NFYC: variants seen among roughly 807,000 people sequenced by gnomAD.
The protein encoded by NFYC is CAAT box DNA-binding protein subunit C.
A neutral mutation model predicts 53.1 loss-of-function variants in NFYC; 25 were observed. The observed-to-expected ratio is 0.47, with a 90% CI of 0.34 to 0.66. NFYC has a LOEUF of 0.66. Among genes scored for constraint, NFYC ranks in the 30% least tolerant of loss-of-function variants. NFYC has a pLI of 0.01. For missense variants in NFYC, 260 were observed against 422.7 expected (o/e 0.62, Z 3.38); for synonymous variants, 145 against 152.6 (o/e 0.95, Z 0.37).
rs886273151 is a variant in NFYC at position 40,770,842 on chromosome 1, C to A, written c.*14C>A. 4.4e-6 allele frequency: 7 copies of A among 1,604,996 alleles called. 1 individual carries two copies. In the African/African-American group the frequency reaches 9.3e-5, roughly 21 times the overall value. ...ACCGGCGACTGAGGGCCTGAGCTGG[C>A]AAGGCCAAGGACACCCAACACAATT... On this transcript the variant is annotated 3_prime_UTR_variant, in exon 10 of 10. Coordinates refer to ENST00000447388, the MANE Select transcript of NFYC (RefSeq NM_014223.5). This position sits in a 1 kb window ranked among gnomAD's most constrained non-coding sequence, Gnocchi z 5.3.
intron 1 of NFYC, among the ~76,000 whole-genome samples, chr1:40,713,577 A>G (rs1046614926): frequency 6.6e-6 from 1 of 152,238 alleles, no homozygotes; most frequent in Admixed American, 6.5e-5. Context: ...TAATATATGC[A>G]TACAGAGTTT....
intron 1 of NFYC, among the ~76,000 whole-genome samples, chr1:40,694,659 T>TC (rs1278335495): frequency 2.0e-5 from 3 of 152,150 alleles, no homozygotes; most frequent in Non-Finnish European, 4.4e-5. Context: ...CTTTTTTTTT[T>TC]CAGCAGGCAT....
chr1:40,770,218 AG>A lies in NFYC; in HGVS notation c.889-488del. ...TTTAATACCAGGCCACCTCCTTAGC[AG>A]GGTCCATGGAGAAAATTCAAATTCA... On this transcript the variant is annotated intron_variant, in intron 9 of 9. Coordinates refer to ENST00000447388, the MANE Select transcript of NFYC (RefSeq NM_014223.5). The surrounding 1 kb of genome is among the most constrained non-coding windows in gnomAD (Gnocchi z 5.3). 1 of 655,398 alleles carries A rather than the reference AG, an allele frequency of 1.5e-6. No homozygotes were observed. Among genetic ancestry groups the A allele is most frequent in the Non-Finnish European group, 2.6e-6 (1 of 388,282 alleles). The allele number at this position is 655,398 out of a possible 1,614,324, so 40.6% of individuals were successfully genotyped here. A position where few individuals can be genotyped will look rare whatever the true frequency, so the allele number is the denominator to read the frequency against.
chr1:40,755,512 T>A (rs1646163608), intron 5 of NFYC, among the ~76,000 whole-genome samples: 1 of 152,240 alleles, frequency 6.6e-6, no homozygotes, highest in Admixed American at 6.5e-5. Context: ...TAGGAGGTAG[T>A]TGAGGCCTGA....
chr1:40,719,543 C>T (rs528080576), intron 1 of NFYC, among the ~76,000 whole-genome samples: 1 of 152,318 alleles, frequency 6.6e-6, no homozygotes, highest in Non-Finnish European at 1.5e-5. Flanking sequence ...TAGTCCCACT[C>T]CTTTGATGCA....
chr1:40,740,425 C>T (rs1174772526), intron 2 of NFYC, among the ~76,000 whole-genome samples: 1 of 150,350 alleles, frequency 6.7e-6, no homozygotes, highest in African/African-American at 2.5e-5. Context: ...AATGAAATAA[C>T]TTATTATGAT....
chr1:40,754,422 G>A lies in NFYC; in HGVS notation c.387+1176G>A, dbSNP rs538913221. 26 of 534,186 alleles carry A rather than the reference G, an allele frequency of 4.9e-5. No individual in the cohort carries two copies. In the East Asian group the frequency reaches 9.8e-4, roughly 20 times the overall value. The allele number at this position is 534,186 out of a possible 1,614,324, so 33.1% of individuals were successfully genotyped here. A position where few individuals can be genotyped will look rare whatever the true frequency, so the allele number is the denominator to read the frequency against. On this transcript the variant is annotated intron_variant, in intron 5 of 9. Coordinates refer to ENST00000447388, the MANE Select transcript of NFYC (RefSeq NM_014223.5). ...AAGGTGTTCAGAGGAGCTTTCAGTC[G>A]GATGTTTACAGCGGCAGGCTGCCAC...
intron 2 of NFYC, among the ~76,000 whole-genome samples, chr1:40,746,879 C>G (rs1299454446): frequency 6.6e-6 from 1 of 152,146 alleles, no homozygotes; most frequent in African/African-American, 2.4e-5. Context: ...CACAGCTGTT[C>G]CTAAAAGGCA....
At chr1:40,707,655 A>G (rs1292557630) in intron 1 of NFYC, among the ~76,000 whole-genome samples, 1 of 142,056 alleles carries the variant, frequency 7.0e-6, no homozygotes, top group Non-Finnish European at 1.6e-5. Flanking sequence ...TTAAAAAAAG[A>G]AAAAAAAAAA....
At chr1:40,716,181 A>G (rs995411852) in intron 1 of NFYC, among the ~76,000 whole-genome samples, 3 of 152,216 alleles carry the variant, frequency 2.0e-5, no homozygotes, top group Non-Finnish European at 4.4e-5. Context: ...ATACAAATAA[A>G]ATTTTACTCT....
intron 1 of NFYC, among the ~76,000 whole-genome samples, chr1:40,707,734 G>GAGGCTA (rs1296174733): frequency 6.6e-6 from 1 of 151,460 alleles, no homozygotes; most frequent in Non-Finnish European, 1.5e-5. Context: ...AGCTACTCAG[G>GAGGCTA]AGGCTAAGGT....
intron 1 of NFYC, among the ~76,000 whole-genome samples, chr1:40,735,936 C>T (rs2148583848): frequency 6.6e-6 from 1 of 152,244 alleles, no homozygotes; most frequent in South Asian, 2.1e-4. Flanking sequence ...TTGTTGTTCT[C>T]AGTACATCTA....
At chr1:40,711,367 T>C (rs2148453323) in intron 1 of NFYC, among the ~76,000 whole-genome samples, 1 of 152,376 alleles carries the variant, frequency 6.6e-6, no homozygotes, top group East Asian at 1.9e-4. Context: ...TGATTATTTA[T>C]ATGTTATCAG....
In NFYC at chr1:40,749,639, C is replaced by CTTCT. The variant is rs1419729757; in HGVS notation, c.247_248insTTTC (p.Arg83LeufsTer10). On this transcript the variant is annotated frameshift_variant, in exon 4 of 10. Transcript: ENST00000447388. LOFTEE classifies it high-confidence loss of function. Reference sequence around the variant, plus strand: ...CCAGATTTTTATCACAGAGTTGACTCTTCGAGCCTGGATTCACACAGAAGA... The same window carrying CTTCT: ...CCAGATTTTTATCACAGAGTTGACTCTTCTTTCGAGCCTGGATTCACACAGAAGA... 2 of 1,614,062 alleles carry CTTCT rather than the reference C, an allele frequency of 1.2e-6. No individual in the cohort carries two copies. The highest frequency in any genetic ancestry group is 1.7e-6 in the Non-Finnish European group (2 of 1,180,022).
chr1:40,746,324 G>A (rs1448812655), intron 2 of NFYC, among the ~76,000 whole-genome samples: 1 of 152,188 alleles, frequency 6.6e-6, no homozygotes, highest in Non-Finnish European at 1.5e-5. Context: ...AGATGTCTTG[G>A]TGTACATTTT....
At chr1:40,766,220 C>T in intron 7 of NFYC, 1 of 189,376 alleles carries the variant, frequency 5.3e-6, no homozygotes, top group Non-Finnish European at 1.1e-5. Flanking sequence ...GCGAAAGAGG[C>T]CCACACTTAA....
chr1:40,755,208 TG>T (rs1303053674), intron 5 of NFYC, among the ~76,000 whole-genome samples: 1 of 152,216 alleles, frequency 6.6e-6, no homozygotes, highest in African/African-American at 2.4e-5. Context: ...ACTGTAGAGA[TG>T]GCCCTAGGAT....
intron 6 of NFYC, among the ~76,000 whole-genome samples, chr1:40,762,547 G>A (rs1557919324): frequency 6.6e-6 from 1 of 152,122 alleles, no homozygotes; most frequent in South Asian, 2.1e-4. Flanking sequence ...TGAAGTAAAC[G>A]GTCATGGTTG....
rs149664633 is a variant in NFYC, at chr1:40,739,769, G to T, written c.105+821G>T. Among the ~76,000 whole-genome samples, 67 of 152,344 alleles carry T rather than the reference G, an allele frequency of 4.4e-4. 1 individual carries two copies. The highest frequency in any genetic ancestry group is 1.5e-3 in the African/African-American group (64 of 41,584). On this transcript the variant is annotated intron_variant, in intron 2 of 9. Transcript: ENST00000447388. ...GAAGCAGTAAAAGTCAAGGAGCACA[G>T]AGGACATAGTGCTTGATTCTTTCTG...
Sources: gnomAD v4.1 joint callset for allele counts (sites outside exome capture counted in the v4.1 genomes callset) on GRCh38, gnomAD v4.1.1 for gene constraint, Gnocchi (gnomAD v3.1) non-coding constraint, MANE v1.5 for transcripts, NCBI Gene and HGNC (gene_info 2026-07-23, HGNC 2026-07-21) for gene names.